The following SEMA3E variants were observed in gnomAD, a reference collection of about 807,000 sequenced individuals.
The protein encoded by SEMA3E is semaphorin-3E.
A neutral mutation model predicts 93.6 loss-of-function variants in SEMA3E; 49 were observed. That is an observed-to-expected ratio of 0.52 (90% CI 0.42 to 0.66). SEMA3E has a LOEUF of 0.66. SEMA3E is among the 30% of genes least tolerant of loss of function. The pLI is 0.00. For missense variants in SEMA3E, 906 were observed against 964.8 expected, an observed-to-expected ratio of 0.94 and a Z score of 0.81; for synonymous variants, 363 against 330.7, an observed-to-expected ratio of 1.10 and a Z score of -1.06.
At chr7:83,466,884 T>C (rs896474042) in intron 3 of SEMA3E, among the ~76,000 whole-genome samples, 6 of 152,270 alleles carry the variant, frequency 3.9e-5, no homozygotes, top group East Asian at 1.9e-4. Context: ...AAAAAAGCAC[T>C]ATTCAGAAAT....
At chr7:83,429,115 T>C (rs1788832202) in intron 4 of SEMA3E, among the ~76,000 whole-genome samples, 1 of 152,148 alleles carries the variant, frequency 6.6e-6, no homozygotes, top group Non-Finnish European at 1.5e-5. Context: ...AAAATCTTAT[T>C]TTATCAAATT....
At chr7:83,591,223 T>G (rs1792751723) in intron 1 of SEMA3E, among the ~76,000 whole-genome samples, 1 of 151,820 alleles carries the variant, frequency 6.6e-6, no homozygotes, top group South Asian at 2.1e-4. Flanking sequence ...AAACACACTC[T>G]CAGAATTATT....
chr7:83,518,444 A>G (rs574759455), intron 1 of SEMA3E, among the ~76,000 whole-genome samples: 1 of 152,182 alleles, frequency 6.6e-6, no homozygotes, highest in South Asian at 2.1e-4. Context: ...AGGCTGATAG[A>G]TTGGAAAAGT....
chr7:83,411,826 C>A (rs571750211), intron 5 of SEMA3E, among the ~76,000 whole-genome samples: 5 of 151,956 alleles, frequency 3.3e-5, no homozygotes, highest in African/African-American at 1.2e-4. Context: ...GATTAAAATA[C>A]CTTTTAGGGC....
In SEMA3E at chr7:83,593,054, G is replaced by A. The variant is rs183800164; in HGVS notation, c.115+55374C>T. ...TGCAGCCTCAAACTCCTGGGCTTAA[G>A]CAATCCTCTCACCTCAGCCTCCAAA... On this transcript the variant is annotated intron_variant, in intron 1 of 16. Coordinates refer to ENST00000643230, the MANE Select transcript of SEMA3E (RefSeq NM_012431.3). Among the ~76,000 whole-genome samples, 1,309 of 152,088 alleles carry A rather than the reference G, an allele frequency of 8.6e-3. 8 individuals carry two copies. The highest frequency in any genetic ancestry group is 0.014 in the Non-Finnish European group (968 of 67,998).
chr7:83,558,142 A>G (rs10278358), intron 1 of SEMA3E, among the ~76,000 whole-genome samples: 5,631 of 152,186 alleles, frequency 0.037, 328 homozygotes, highest in African/African-American at 0.13. Context: ...GGGAGAGGAG[A>G]TACAATGTAG....
rs777934226 is a variant in SEMA3E at position 83,648,765 on chromosome 7, A to T, written c.-223T>A. 5 of 604,408 alleles carry T rather than the reference A, an allele frequency of 8.3e-6. No homozygotes were observed. Among genetic ancestry groups the T allele is most frequent in the Non-Finnish European group, 1.2e-5 (4 of 332,420 alleles). 37.4% of individuals were successfully genotyped at this position (604,408 alleles called of 1,614,324 possible). A position where few individuals can be genotyped will look rare whatever the true frequency, so the allele number is the denominator to read the frequency against. On this transcript the variant is annotated 5_prime_UTR_variant, in exon 1 of 17. The change abolishes an upstream ATG in the 5' untranslated region. Transcript: ENST00000643230. ...GTTTATAAGCCGGGAGCAAGAGGACATTCCAAAGAGTGAGTCTTCAGAGCC... is the reference window on the plus strand; with the variant it reads ...GTTTATAAGCCGGGAGCAAGAGGACTTTCCAAAGAGTGAGTCTTCAGAGCC...
At chr7:83,607,324 A>G (rs1001276806) in intron 1 of SEMA3E, among the ~76,000 whole-genome samples, 2 of 152,184 alleles carry the variant, frequency 1.3e-5, no homozygotes, top group African/African-American at 4.8e-5. Context: ...GGGTCGTGTT[A>G]TCAGCCTAAC....
At chr7:83,506,576 G>A (rs1790710286) in intron 1 of SEMA3E, among the ~76,000 whole-genome samples, 1 of 151,668 alleles carries the variant, frequency 6.6e-6, no homozygotes, top group Non-Finnish European at 1.5e-5. Context: ...AAAACATAAG[G>A]GGCAAGAAAT....
chr7:83,641,630 A>T (rs1794012248), intron 1 of SEMA3E, among the ~76,000 whole-genome samples: 1 of 152,176 alleles, frequency 6.6e-6, no homozygotes, highest in African/African-American at 2.4e-5. Flanking sequence ...CATGAGAGAC[A>T]TCAATATTCT....
intron 1 of SEMA3E, among the ~76,000 whole-genome samples, chr7:83,625,996 GAT>G (rs1793661698): frequency 6.6e-6 from 1 of 152,116 alleles, no homozygotes; most frequent in Non-Finnish European, 1.5e-5. Flanking sequence ...CTGTTTATGC[GAT>G]AGATCACATT....
chr7:83,378,850 G>T (rs1163863438), intron 16 of SEMA3E, among the ~76,000 whole-genome samples: 3 of 151,538 alleles, frequency 2.0e-5, no homozygotes, highest in African/African-American at 2.4e-5. Context: ...ATTTCTCAAA[G>T]AACTAAAAAT....
At position 83,366,490 on chromosome 7, in the gene SEMA3E, T is replaced by C. The variant is rs1794670613; in HGVS notation, c.*1096A>G. ...GATATTTGAGAGCAAATCACTTTAA[T>C]ATTTTTTTCACAAATAAAACACGGT... On this transcript the variant is annotated 3_prime_UTR_variant, in exon 17 of 17. Transcript: ENST00000643230. The C allele has an allele frequency of 6.6e-6, 1 of 151,994 alleles. No individual in the cohort carries two copies. The highest frequency in any genetic ancestry group is 1.5e-5 in the Non-Finnish European group (1 of 67,908). 9.4% of individuals were successfully genotyped at this position (151,994 alleles called of 1,614,324 possible).
intron 12 of SEMA3E, among the ~76,000 whole-genome samples, chr7:83,395,229 G>A (rs1306015513): frequency 6.6e-6 from 1 of 152,140 alleles, no homozygotes; most frequent in Non-Finnish European, 1.5e-5. Flanking sequence ...GAAATCTTAT[G>A]TAGAGTCCCA....
chr7:83,610,532 T>A (rs1346654609), intron 1 of SEMA3E, among the ~76,000 whole-genome samples: 2 of 152,138 alleles, frequency 1.3e-5, no homozygotes, highest in African/African-American at 4.8e-5. Flanking sequence ...CAATTTTACA[T>A]TTTCCTAGCC....
chr7:83,637,980 T>C (rs1424303737), intron 1 of SEMA3E, among the ~76,000 whole-genome samples: 2 of 152,156 alleles, frequency 1.3e-5, no homozygotes, highest in African/African-American at 2.4e-5. Context: ...TACCTATTAT[T>C]AATGTGATTA....
chr7:83,429,462 G>A (rs920888423), intron 4 of SEMA3E, among the ~76,000 whole-genome samples: 4 of 152,088 alleles, frequency 2.6e-5, no homozygotes, highest in Non-Finnish European at 5.9e-5. Context: ...GGTATGCCAC[G>A]GTGTCCTAGA....
intron 1 of SEMA3E, among the ~76,000 whole-genome samples, chr7:83,635,855 A>G (rs950508736): frequency 1.5e-4 from 22 of 150,654 alleles, no homozygotes; most frequent in African/African-American, 4.4e-4. Flanking sequence ...AATTATTCAT[A>G]AAACTTTTGC....
chr7:83,646,453 T>G (rs1794080759), intron 1 of SEMA3E, among the ~76,000 whole-genome samples: 1 of 152,086 alleles, frequency 6.6e-6, no homozygotes, highest in Admixed American at 6.6e-5. Flanking sequence ...GTGTGATCTC[T>G]TAACTGACTT....
Sources: gnomAD v4.1 joint callset for allele counts (sites outside exome capture counted in the v4.1 genomes callset) on GRCh38, gnomAD v4.1.1 for gene constraint, MANE v1.5 for transcripts, NCBI Gene and HGNC (gene_info 2026-07-23, HGNC 2026-07-21) for gene names.